PKP2: variants seen among roughly 807,000 people sequenced by gnomAD.
PKP2 encodes plakophilin-2.
PKP2 carries 73 observed loss-of-function variants against 83.4 expected under a neutral mutation model. The observed-to-expected ratio is 0.88, with a 90% CI of 0.72 to 1.06. The LOEUF is 1.06. PKP2 is among the 50% of genes least tolerant of loss of function. The pLI, the probability that PKP2 is intolerant of heterozygous loss-of-function variation, is 0.00. For synonymous variants in PKP2, 409 were observed against 430.4 expected (o/e 0.95, Z 0.62); for missense variants, 966 against 1,065.4 (o/e 0.91, Z 1.30).
intron 3 of PKP2, among the ~76,000 whole-genome samples, chr12:32,873,820 G>C (rs1261220523): frequency 6.6e-6 from 1 of 152,116 alleles, no homozygotes; most frequent in Non-Finnish European, 1.5e-5. Flanking sequence ...GTGAGCCACC[G>C]CGTCCGGCCC....
intron 6 of PKP2, among the ~76,000 whole-genome samples, chr12:32,832,546 C>T (rs1360533451): frequency 6.6e-6 from 1 of 152,046 alleles, no homozygotes; most frequent in African/African-American, 2.4e-5. Flanking sequence ...CTTATGTTTA[C>T]ACATGAAACA....
rs1026103539 is a variant in PKP2 at position 32,792,786 on chromosome 12, C to T, written c.2358-55G>A. 6.3e-6 allele frequency: 9 copies of T among 1,418,374 alleles called. No homozygotes were observed. In the South Asian group the frequency reaches 6.9e-5, roughly 11 times the overall value. The allele number at this position is 1,418,374 out of a possible 1,614,324, so 87.9% of individuals were successfully genotyped here. On this transcript the variant is annotated intron_variant, in intron 11 of 12. Coordinates refer to ENST00000340811, the MANE Select transcript of PKP2 (RefSeq NM_001005242.3). Reference sequence around the variant, plus strand: ...GGAGAATGAGTGAGGCTTCTGGATGCGGCCTGTGGGTGTTCTGTAAGACCT... The same window carrying T: ...GGAGAATGAGTGAGGCTTCTGGATGTGGCCTGTGGGTGTTCTGTAAGACCT...
At chr12:32,807,008 T>G (rs7314621) in intron 9 of PKP2, among the ~76,000 whole-genome samples, 93,629 of 152,006 alleles carry the variant, frequency 0.62, 31,490 homozygotes, top group Non-Finnish European at 0.78. Context: ...TATGTACTTG[T>G]GTGGTTTTGA....
intron 4 of PKP2, among the ~76,000 whole-genome samples, chr12:32,860,809 C>A (rs190945782): frequency 1.8e-3 from 279 of 152,236 alleles, no homozygotes; most frequent in African/African-American, 6.4e-3. Context: ...GTGGACAGAT[C>A]ACGAGGTCAG....
intron 9 of PKP2, among the ~76,000 whole-genome samples, chr12:32,813,228 T>C (rs181448181): frequency 2.7e-4 from 41 of 152,218 alleles, no homozygotes; most frequent in Admixed American, 2.5e-3. Flanking sequence ...ACCAAACAAA[T>C]GGACTAAGCC....
chr12:32,826,185 A>G (rs932275573), intron 6 of PKP2, among the ~76,000 whole-genome samples: 2 of 151,446 alleles, frequency 1.3e-5, no homozygotes, highest in Admixed American at 6.6e-5. Context: ...GGGCGCCTGT[A>G]TTCCCAGCTA....
At chr12:32,879,831 C>CAAAA in intron 1 of PKP2, among the ~76,000 whole-genome samples, 1 of 54,026 alleles carries the variant, frequency 1.9e-5, no homozygotes. Flanking sequence ...AACTCTGTCT[C>CAAAA]AAAAAAAAAA....
chr12:32,802,499 GGGTGT>G lies in PKP2; in HGVS notation c.2066_2070del (p.His689ProfsTer8), dbSNP rs397517021. On this transcript the variant is annotated frameshift_variant, in exon 10 of 13. Coordinates refer to ENST00000340811, the MANE Select transcript of PKP2 (RefSeq NM_001005242.3). LOFTEE classifies it high-confidence loss of function. The stretch of plus-strand genomic sequence containing the variant: ...GGGTCACCAACATGCAGCATCTTTC[GGGTGT>G]GCTGCAGGCCACTTTCCTTCTGGAC... 113 of 1,613,546 alleles carry G rather than the reference GGGTGT, an allele frequency of 7.0e-5. No homozygotes were observed. Among genetic ancestry groups the G allele is most frequent in the Non-Finnish European group, 9.5e-5 (112 of 1,179,644 alleles).
chr12:32,822,334 G>T, intron 8 of PKP2, 133 bp downstream of exon 8: 1 of 758,816 alleles, frequency 1.3e-6, no homozygotes. Flanking sequence ...CACTTCAAAA[G>T]GTTGATGTAA....
At chr12:32,843,057 G>T (rs531608633) in intron 5 of PKP2, 2 of 355,548 alleles carry the variant, frequency 5.6e-6, no homozygotes, top group Non-Finnish European at 1.1e-5. Flanking sequence ...TTGGCTCACT[G>T]CAACTTCTGC....
intron 5 of PKP2, chr12:32,843,047 T>G (rs1956611376): frequency 2.8e-6 from 1 of 355,982 alleles, no homozygotes; most frequent in Admixed American, 3.6e-5. Context: ...TGGCACAATC[T>G]TGGCTCACTG....
In PKP2 at chr12:32,790,896, C is replaced by T. The variant is rs1956059642; in HGVS notation, c.*1528G>A. The T allele has an allele frequency of 6.6e-6, 1 of 152,104 alleles. No homozygotes were observed. Among genetic ancestry groups the T allele is most frequent in the Non-Finnish European group, 1.5e-5 (1 of 68,010 alleles). 9.4% of individuals were successfully genotyped at this position (152,104 alleles called of 1,614,324 possible). A position where few individuals can be genotyped will look rare whatever the true frequency, so the allele number is the denominator to read the frequency against. On this transcript the variant is annotated 3_prime_UTR_variant, in exon 13 of 13. Transcript: ENST00000340811. Reference sequence around the variant, plus strand: ...CTGGAAAAAGACATATAAATTCTCTCCAGTATTTTAAAAATTGGTATCTAA... The same window carrying T: ...CTGGAAAAAGACATATAAATTCTCTTCAGTATTTTAAAAATTGGTATCTAA...
At chr12:32,865,610 C>T (rs562596856) in intron 4 of PKP2, among the ~76,000 whole-genome samples, 11 of 147,844 alleles carry the variant, frequency 7.4e-5, no homozygotes, top group Admixed American at 1.4e-4. Flanking sequence ...AGCTTGAACC[C>T]GGGAGGCAGA....
chr12:32,849,715 T>C (rs1956680422), intron 5 of PKP2, among the ~76,000 whole-genome samples: 1 of 152,218 alleles, frequency 6.6e-6, no homozygotes, highest in Non-Finnish European at 1.5e-5. Flanking sequence ...TCTATCTGAT[T>C]AGTCCATCTC....
chr12:32,804,494 C>T (rs1319781461), intron 9 of PKP2, among the ~76,000 whole-genome samples: 1 of 152,162 alleles, frequency 6.6e-6, no homozygotes, highest in Non-Finnish European at 1.5e-5. Context: ...TAGTTCCCCA[C>T]CAAGTATCCA....
chr12:32,825,295 A>T lies in PKP2; in HGVS notation c.1557-1133T>A, dbSNP rs1315959562. On this transcript the variant is annotated intron_variant, in intron 6 of 12. Coordinates refer to ENST00000340811, the MANE Select transcript of PKP2 (RefSeq NM_001005242.3). ...GCGATTCTCCTGCCTCAGCCTCCCG[A>T]GTAGCTGGGACTACAGGCGTGCGTC... 2.7e-5 allele frequency among the ~76,000 whole-genome samples: 4 copies of T among 150,328 alleles called. No homozygotes were observed. The Admixed American group carries it at 2.7e-4, about 10-fold the overall frequency.
intron 6 of PKP2, among the ~76,000 whole-genome samples, chr12:32,840,352 G>A (rs978056423): frequency 6.6e-6 from 1 of 152,146 alleles, no homozygotes; most frequent in African/African-American, 2.4e-5. Context: ...AGGCTAGAGT[G>A]CAGTGGTGCA....
At chr12:32,851,395 G>A (rs1412116935) in intron 4 of PKP2, among the ~76,000 whole-genome samples, 1 of 152,066 alleles carries the variant, frequency 6.6e-6, no homozygotes, top group Non-Finnish European at 1.5e-5. Flanking sequence ...CATATAAAAT[G>A]AATAGTATCA....
intron 9 of PKP2, among the ~76,000 whole-genome samples, chr12:32,807,876 A>T (rs1956241168): frequency 6.6e-6 from 1 of 152,204 alleles, no homozygotes; most frequent in Non-Finnish European, 1.5e-5. Context: ...TCTGGCTTGT[A>T]GGGTTTCTGC....
Sources: gnomAD v4.1 joint callset for allele counts (sites outside exome capture counted in the v4.1 genomes callset) on GRCh38, gnomAD v4.1.1 for gene constraint, MANE v1.5 for transcripts, NCBI Gene and HGNC (gene_info 2026-07-23, HGNC 2026-07-21) for gene names.